SLC66A2: variants seen among roughly 807,000 people sequenced by gnomAD.
SLC66A2 encodes PQ loop repeat containing 1.
A neutral mutation model predicts 25.5 loss-of-function variants in SLC66A2; 23 were observed. The ratio of observed to expected loss-of-function variants is 0.90; its 90% confidence interval spans 0.65 to 1.28. The LOEUF (loss-of-function observed/expected upper bound fraction) is 1.28, where lower values mean the gene tolerates loss of function less well. Among genes scored for constraint, SLC66A2 ranks in the 50% most tolerant of loss-of-function variants. The pLI, the probability that SLC66A2 is intolerant of heterozygous loss-of-function variation, is 0.00. For synonymous variants in SLC66A2, 193 were observed against 166.5 expected, an observed-to-expected ratio of 1.16 and a Z score of -1.23; for missense variants, 396 against 373.1, an observed-to-expected ratio of 1.06 and a Z score of -0.51.
intron 5 of SLC66A2, among the ~76,000 whole-genome samples, chr18:79,913,699 G>A (rs974839628): frequency 6.6e-6 from 1 of 152,198 alleles, no homozygotes; most frequent in African/African-American, 2.4e-5. Context: ...GGGCTGCTAC[G>A]AGATCAACTC....
rs1290330532 is a variant in SLC66A2 at position 79,904,193 on chromosome 18, C to G, written c.609-10G>C. On this transcript the variant is annotated splice_polypyrimidine_tract_variant and intron_variant, in intron 5 of 5. Coordinates refer to ENST00000397778, the MANE Select transcript of SLC66A2 (RefSeq NM_025078.5). This position sits in a 1 kb window ranked among gnomAD's most constrained non-coding sequence, Gnocchi z 6.3. Reference sequence around the variant, plus strand: ...GAGCACCATCTTGATGCTGTGGAGACACAAGCAGGCGGTCAGCGGTGGGGA... The same window carrying G: ...GAGCACCATCTTGATGCTGTGGAGAGACAAGCAGGCGGTCAGCGGTGGGGA... The G allele has an allele frequency of 3.1e-6, 5 of 1,612,152 alleles. No homozygotes were observed. The highest frequency in any genetic ancestry group is 2.2e-5 in the East Asian group (1 of 44,852).
chr18:79,924,117 C>T (rs34635316), intron 4 of SLC66A2, among the ~76,000 whole-genome samples: 16,276 of 151,750 alleles, frequency 0.11, 1,028 homozygotes, highest in East Asian at 0.21. Context: ...ACTGCCGGGC[C>T]GGCGGAGAGG....
In SLC66A2 at chr18:79,918,801, C is replaced by CA. The variant is rs1984606442; in HGVS notation, c.608+382dup. Among the ~76,000 whole-genome samples the CA allele has an allele frequency of 6.6e-6, 1 of 152,194 alleles. No individual in the cohort carries two copies. Among genetic ancestry groups the CA allele is most frequent in the African/African-American group, 2.4e-5 (1 of 41,452 alleles). On this transcript the variant is annotated intron_variant, in intron 5 of 5. Coordinates refer to ENST00000397778, the MANE Select transcript of SLC66A2 (RefSeq NM_025078.5). This position sits in a 1 kb window ranked among gnomAD's most constrained non-coding sequence, Gnocchi z 4.0. The stretch of plus-strand genomic sequence containing the variant: ...GAAAGACCGAGGACAGTGTCCAAGG[C>CA]AGCCCCCAGACCACCTTCCCTGCCC...
At chr18:79,929,481 G>A (rs1986345704) in intron 4 of SLC66A2, among the ~76,000 whole-genome samples, 2 of 152,196 alleles carry the variant, frequency 1.3e-5, no homozygotes, top group Admixed American at 6.5e-5. Context: ...TGTATCCACA[G>A]CTGCTACTAT....
chr18:79,944,590 C>G (rs1213494333), intron 2 of SLC66A2: 1 of 152,418 alleles, frequency 6.6e-6, no homozygotes, highest in Admixed American at 6.5e-5. Context: ...GCCACCACCT[C>G]CAAGGCTGGG....
At chr18:79,926,349 C>G (rs1985946764) in intron 4 of SLC66A2, among the ~76,000 whole-genome samples, 1 of 152,110 alleles carries the variant, frequency 6.6e-6, no homozygotes. Flanking sequence ...GGAGCCCTTT[C>G]CAGTAATAAA....
rs902592184 is a variant in SLC66A2, at chr18:79,904,718, G to A, written c.609-535C>T. 1.3e-5 allele frequency among the ~76,000 whole-genome samples: 2 copies of A among 152,292 alleles called. No individual in the cohort carries two copies. The highest frequency in any genetic ancestry group is 2.4e-5 in the African/African-American group (1 of 41,566). The stretch of plus-strand genomic sequence containing the variant: ...CCGGCCTCCCTCCCTGGTGATAGAT[G>A]CAAACCTTCCTTTCCTGGAGTGAAC... On this transcript the variant is annotated intron_variant, in intron 5 of 5. Transcript: ENST00000397778. The surrounding 1 kb of genome is among the most constrained non-coding windows in gnomAD (Gnocchi z 6.3).
At chr18:79,907,502 CCA>C (rs1256660953) in intron 5 of SLC66A2, among the ~76,000 whole-genome samples, 3 of 151,924 alleles carry the variant, frequency 2.0e-5, no homozygotes, top group African/African-American at 7.3e-5. Flanking sequence ...CAGGCGCCCG[CCA>C]CCACACTCCG....
chr18:79,911,758 C>CAGCAGGGAAGGGACAGG (rs1474636897), intron 5 of SLC66A2, among the ~76,000 whole-genome samples: 1 of 129,544 alleles, frequency 7.7e-6, no homozygotes, highest in Non-Finnish European at 1.7e-5. Context: ...GGAGGGGACG[C>CAGCAGGGAAGGGACAGG]AGCAGGGAAG....
At chr18:79,922,805 G>A (rs568305851) in intron 4 of SLC66A2, among the ~76,000 whole-genome samples, 3 of 144,858 alleles carry the variant, frequency 2.1e-5, no homozygotes, top group East Asian at 2.1e-4. Context: ...GGGGTTGGGG[G>A]TGCTGAGGGG....
In SLC66A2 at chr18:79,919,114, T is replaced by G. The variant is rs1376307418; in HGVS notation, c.608+70A>C. ...ACAGCCAGACACACAGGCGTTTGATTTTTACCAAATCTGCAGCCATGTGGT... is the reference window on the plus strand; with the variant it reads ...ACAGCCAGACACACAGGCGTTTGATGTTTACCAAATCTGCAGCCATGTGGT... On this transcript the variant is annotated intron_variant, in intron 5 of 5. Coordinates refer to ENST00000397778, the MANE Select transcript of SLC66A2 (RefSeq NM_025078.5). 4 of 1,411,426 alleles carry G rather than the reference T, an allele frequency of 2.8e-6. No individual in the cohort carries two copies. The African/African-American group carries it at 4.2e-5, about 15-fold the overall frequency. The allele number at this position is 1,411,426 out of a possible 1,614,324, so 87.4% of individuals were successfully genotyped here.
chr18:79,934,254 G>A (rs1330920592), intron 3 of SLC66A2, among the ~76,000 whole-genome samples: 1 of 152,100 alleles, frequency 6.6e-6, no homozygotes, highest in Non-Finnish European at 1.5e-5. Context: ...AAAGTGAATG[G>A]GGAGAATGGG....
chr18:79,928,279 G>A (rs1006224797), intron 4 of SLC66A2, among the ~76,000 whole-genome samples: 5 of 152,240 alleles, frequency 3.3e-5, no homozygotes, highest in African/African-American at 1.2e-4. Flanking sequence ...AGGACTTCAG[G>A]ACAGTTCCAG....
Position 79,937,794 on chromosome 18 carries a change from C to T in SLC66A2, c.338-3772G>A, listed in dbSNP as rs530606142. ...GGACAGAACACCTTGTCCTTGTCCA[C>T]ATCCCAGGGACATAAAGACACGAGG... On this transcript the variant is annotated intron_variant, in intron 3 of 5. Transcript: ENST00000397778. The surrounding 1 kb of genome is among the most constrained non-coding windows in gnomAD (Gnocchi z 5.4). Among the ~76,000 whole-genome samples, 1 of 152,286 alleles carries T rather than the reference C, an allele frequency of 6.6e-6. No individual in the cohort carries two copies. Among genetic ancestry groups the T allele is most frequent in the African/African-American group, 2.4e-5 (1 of 41,560 alleles).
Position 79,943,314 on chromosome 18 carries a change from G to A in SLC66A2, c.337+15C>T. 6.2e-7 allele frequency: 1 copy of A among 1,612,860 alleles called. No homozygotes were observed. Among genetic ancestry groups the A allele is most frequent in the Non-Finnish European group, 8.5e-7 (1 of 1,179,370 alleles). On this transcript the variant is annotated intron_variant, in intron 3 of 5. Coordinates refer to ENST00000397778, the MANE Select transcript of SLC66A2 (RefSeq NM_025078.5). ...TGATTCCCTGCGACTTTATTCCGAA[G>A]CGCCGGCCACCAACCTGTAAAGGAG...
intron 5 of SLC66A2, chr18:79,916,087 ACGG>A (rs1984017657): frequency 1.0e-5 from 1 of 97,846 alleles, no homozygotes; most frequent in African/African-American, 4.9e-5. Flanking sequence ...TCCCGTACCC[ACGG>A]TGCTCTCATA....
chr18:79,912,345 C>T (rs1180825630), intron 5 of SLC66A2, among the ~76,000 whole-genome samples: 1 of 152,136 alleles, frequency 6.6e-6, no homozygotes, highest in African/African-American at 2.4e-5. Context: ...TGTCCCTCAG[C>T]TGAAGAACGA....
intron 5 of SLC66A2, among the ~76,000 whole-genome samples, chr18:79,913,911 G>C (rs1327265936): frequency 6.6e-6 from 1 of 152,146 alleles, no homozygotes; most frequent in Non-Finnish European, 1.5e-5. Flanking sequence ...CGCCACCAAA[G>C]TCTTGTTTGT....
intron 5 of SLC66A2, among the ~76,000 whole-genome samples, chr18:79,908,527 C>G (rs920659191): frequency 6.6e-6 from 1 of 152,324 alleles, no homozygotes; most frequent in East Asian, 1.9e-4. Flanking sequence ...TTGGGATTCA[C>G]TGAACTTCTT....
Sources: allele counts gnomAD v4.1 joint callset (sites outside exome capture counted in the v4.1 genomes callset), GRCh38; gene constraint gnomAD v4.1.1; non-coding constraint Gnocchi (gnomAD v3.1); transcripts MANE v1.5; gene names NCBI Gene and HGNC (gene_info 2026-07-23, HGNC 2026-07-21).